MTMR12: variants seen among roughly 807,000 people sequenced by gnomAD.
The protein encoded by MTMR12 is myotubularin-related protein 12.
In MTMR12, 33 loss-of-function variants were observed where a neutral mutation model predicts 96.7. The observed-to-expected ratio is 0.34, with a 90% confidence interval of 0.26 to 0.46. The LOEUF is 0.46. Ranked by LOEUF, MTMR12 falls within the 20% of genes least tolerant of loss-of-function variation. The pLI, the probability that MTMR12 is intolerant of heterozygous loss-of-function variation, is 1.00. For missense variants in MTMR12, 721 were observed against 896.1 expected, an observed-to-expected ratio of 0.80 and a Z score of 2.49; for synonymous variants, 298 against 327.2, an observed-to-expected ratio of 0.91 and a Z score of 0.96.
chr5:32,285,113 T>C (rs896738468), intron 1 of MTMR12, among the ~76,000 whole-genome samples: 1 of 152,008 alleles, frequency 6.6e-6, no homozygotes, highest in Non-Finnish European at 1.5e-5. Context: ...ATCCCAGCAC[T>C]TTGGGAGGCC....
intron 6 of MTMR12, 67 bp downstream of exon 6, chr5:32,268,634 C>T (rs79273766): frequency 6.0e-6 from 8 of 1,329,304 alleles, no homozygotes; most frequent in Admixed American, 5.1e-5. Context: ...TGTTCTCCCC[C>T]ACTGGCTTCA....
At chr5:32,261,427 G>A (rs1018864189) in intron 7 of MTMR12, among the ~76,000 whole-genome samples, 11 of 151,846 alleles carry the variant, frequency 7.2e-5, no homozygotes, top group African/African-American at 2.4e-4. Flanking sequence ...CCTCCCTCGG[G>A]TGTCCTCTGA....
intron 4 of MTMR12, among the ~76,000 whole-genome samples, chr5:32,271,346 G>C (rs1749823924): frequency 6.6e-6 from 1 of 152,216 alleles, no homozygotes; most frequent in African/African-American, 2.4e-5. Context: ...GTCCCAGAAT[G>C]TGGACCCACT....
In MTMR12 at chr5:32,312,688, G is replaced by T; in HGVS notation, c.81+70C>A. 7.8e-7 allele frequency: 1 copy of T among 1,284,052 alleles called. No individual in the cohort carries two copies. The highest frequency in any genetic ancestry group is 1.0e-6 in the Non-Finnish European group (1 of 1,000,262). 79.5% of individuals were successfully genotyped at this position (1,284,052 alleles called of 1,614,324 possible). A position where few individuals can be genotyped will look rare whatever the true frequency, so the allele number is the denominator to read the frequency against. On this transcript the variant is annotated intron_variant, in intron 1 of 15. Transcript: ENST00000382142. This position sits in a 1 kb window ranked among gnomAD's most constrained non-coding sequence, Gnocchi z 5.0. Reference sequence around the variant, plus strand: ...GCTCCGCGGCGCTCCCCGCTGCAAGGAAGGGGCTCCCGGCGCCCCTCGCCC... The same window carrying T: ...GCTCCGCGGCGCTCCCCGCTGCAAGTAAGGGGCTCCCGGCGCCCCTCGCCC...
chr5:32,257,381 T>C (rs1188629936), intron 7 of MTMR12, among the ~76,000 whole-genome samples: 1 of 152,128 alleles, frequency 6.6e-6, no homozygotes, highest in Non-Finnish European at 1.5e-5. Flanking sequence ...AAAACAAAAT[T>C]GGCCATCAGT....
chr5:32,270,718 AAAGC>A, intron 5 of MTMR12, 95 bp downstream of exon 5: 2 of 1,336,894 alleles, frequency 1.5e-6, no homozygotes. Context: ...TCACAGAGTG[AAAGC>A]CTCCCCTCAA....
chr5:32,253,496 C>T (rs187545297), intron 8 of MTMR12, among the ~76,000 whole-genome samples: 26 of 152,228 alleles, frequency 1.7e-4, no homozygotes, highest in African/African-American at 5.8e-4. Flanking sequence ...CTATGTTTCC[C>T]GGGTAGATGT....
intron 11 of MTMR12, 40 bp downstream of exon 11, chr5:32,243,481 C>T: frequency 1.4e-6 from 2 of 1,432,748 alleles, no homozygotes; most frequent in Non-Finnish European, 2.0e-6. Context: ...CTGAGTTATA[C>T]AATTACAAAA....
intron 1 of MTMR12, among the ~76,000 whole-genome samples, chr5:32,285,972 C>G (rs561379920): frequency 6.6e-6 from 1 of 152,084 alleles, no homozygotes; most frequent in Non-Finnish European, 1.5e-5. Flanking sequence ...TGCAAAATGA[C>G]CCATCTCTAA....
intron 1 of MTMR12, among the ~76,000 whole-genome samples, chr5:32,303,116 C>A (rs191806655): frequency 6.6e-6 from 1 of 152,316 alleles, no homozygotes; most frequent in African/African-American, 2.4e-5. Flanking sequence ...AATAATGGCC[C>A]ACATCTCTTA....
intron 12 of MTMR12, among the ~76,000 whole-genome samples, chr5:32,239,812 C>A (rs1357692344): frequency 1.3e-5 from 2 of 152,228 alleles, no homozygotes; most frequent in Admixed American, 6.5e-5. Flanking sequence ...GCTTCTCCTG[C>A]CTATCCTAGG....
chr5:32,304,799 G>A (rs1390637081), intron 1 of MTMR12, among the ~76,000 whole-genome samples: 1 of 152,160 alleles, frequency 6.6e-6, no homozygotes, highest in African/African-American at 2.4e-5. Flanking sequence ...GCTTGACAGA[G>A]CCTCATGATG....
chr5:32,302,599 C>A (rs887742255), intron 1 of MTMR12, among the ~76,000 whole-genome samples: 6 of 151,750 alleles, frequency 4.0e-5, no homozygotes, highest in Non-Finnish European at 7.4e-5. Context: ...AGCCTGTAAT[C>A]CCAGCTACTT....
At chr5:32,236,848 AAAAGAAAAG>A (rs1242726921) in intron 13 of MTMR12, among the ~76,000 whole-genome samples, 2,608 of 150,016 alleles carry the variant, frequency 0.017, 27 homozygotes, top group Non-Finnish European at 0.024. Context: ...CAAAAAAAAA[AAAAGAAAAG>A]AAAAGAAAAG....
chr5:32,232,991 G>T (rs1452027971), intron 15 of MTMR12: 9 of 985,210 alleles, frequency 9.1e-6, no homozygotes, highest in Non-Finnish European at 1.1e-5. Context: ...TGGACTCTGT[G>T]GGGGAGAAAT....
chr5:32,286,255 C>T (rs1443361722), intron 1 of MTMR12, among the ~76,000 whole-genome samples: 1 of 152,040 alleles, frequency 6.6e-6, no homozygotes, highest in African/African-American at 2.4e-5. Context: ...AGGTGGATCA[C>T]CTTGAACCTC....
At chr5:32,287,735 A>G (rs934487872) in intron 1 of MTMR12, among the ~76,000 whole-genome samples, 1 of 152,206 alleles carries the variant, frequency 6.6e-6, no homozygotes, top group African/African-American at 2.4e-5. Context: ...ATGGAAGTAG[A>G]GAACACTGAT....
Position 32,248,089 on chromosome 5 carries a change from C to T in MTMR12, c.934G>A (p.Val312Ile), listed in dbSNP as rs1244429372. ...TTGCTTGACAGGTCTTCCGTTTTAA[C>T]AATTTCATAGGGTGGCCTGTGGATG... is the stretch of plus-strand genomic sequence containing the variant. ...KTIHRPPYEI[V>I]KTEDLSSNFL... Residue 312 changes from valine to isoleucine, a missense_variant, in exon 10 of 16, where the codon GTT (valine) becomes ATT (isoleucine). By Grantham distance (29) the Val-to-Ile change is conservative. Transcript: ENST00000382142. 1 of 1,613,892 alleles carries T rather than the reference C, an allele frequency of 6.2e-7. No homozygotes were observed. Among genetic ancestry groups the T allele is most frequent in the African/African-American group, 1.3e-5 (1 of 74,916 alleles).
At chr5:32,246,703 A>G (rs1748705651) in intron 10 of MTMR12, among the ~76,000 whole-genome samples, 1 of 152,196 alleles carries the variant, frequency 6.6e-6, no homozygotes, top group Non-Finnish European at 1.5e-5. Flanking sequence ...TCTTTGGGGC[A>G]CTGTCCCCGT....
Sources: allele counts gnomAD v4.1 joint callset (sites outside exome capture counted in the v4.1 genomes callset), GRCh38; gene constraint gnomAD v4.1.1; non-coding constraint Gnocchi (gnomAD v3.1); transcripts MANE v1.5; gene names NCBI Gene and HGNC (gene_info 2026-07-23, HGNC 2026-07-21).